Variants in MYO1C observed in about 807,000 individuals in gnomAD.
MYO1C encodes myosin IC, also known as unconventional myosin-Ic.
Under a neutral mutation model 150.8 loss-of-function variants are expected in MYO1C, and 104 were observed. The ratio of observed to expected loss-of-function variants is 0.69; its 90% CI spans 0.59 to 0.81. The LOEUF is 0.81. MYO1C is among the 30% of genes least tolerant of loss of function. The probability of loss-of-function intolerance (pLI) is 0.00; values close to 1 mark genes in which losing one functional copy is unlikely to be tolerated. For synonymous variants in MYO1C, 663 were observed against 579.9 expected (o/e 1.14, Z -2.06); for missense variants, 1,504 against 1,435.0 (o/e 1.05, Z -0.78).
chr17:1,469,522 T>C lies in MYO1C; in HGVS notation c.2610+9A>G. Reference sequence around the variant, plus strand: ...CTTCCTCATCCTCACCCAGCCCCGCTCTCCGTACCTGCTGCTTCCACTCAG... The same window carrying C: ...CTTCCTCATCCTCACCCAGCCCCGCCCTCCGTACCTGCTGCTTCCACTCAG... On this transcript the variant is annotated intron_variant, in intron 25 of 31. Transcript: ENST00000648651. 6.2e-7 allele frequency: 1 copy of C among 1,605,370 alleles called. No individual in the cohort carries two copies. The highest frequency in any genetic ancestry group is 8.5e-7 in the Non-Finnish European group (1 of 1,174,906).
intron 1 of MYO1C, chr17:1,484,655 A>AG (rs566313401): frequency 1.8e-4 from 82 of 467,134 alleles, no homozygotes; most frequent in South Asian, 9.6e-4. Context: ...GGGTGGAGAA[A>AG]GGGGGGGTCA....
chr17:1,465,864 G>T (rs749636759), intron 31 of MYO1C, 112 bp from the exon 32 acceptor site: 3 of 757,844 alleles, frequency 4.0e-6, no homozygotes, highest in African/African-American at 1.8e-5. Flanking sequence ...ATGGGGTCTC[G>T]CTATATTGTC....
rs181410495 is a variant in MYO1C at position 1,466,878 on chromosome 17, C to T, written c.3165+364G>A. ...CTGATCTCGGGTGATCCACACACCT[C>T]GGCCTCCCAAAGTGCTGGGATTAAA... On this transcript the variant is annotated intron_variant, in intron 31 of 31. Coordinates refer to ENST00000648651, the MANE Select transcript of MYO1C (RefSeq NM_001080779.2). Among the ~76,000 whole-genome samples the T allele has an allele frequency of 2.1e-3, 314 of 151,676 alleles. 1 individual carries two copies. Among genetic ancestry groups the T allele is most frequent in the African/African-American group, 6.7e-3 (278 of 41,320 alleles).
At position 1,483,666 on chromosome 17, in the gene MYO1C, G is replaced by C. The variant is rs532161771; in HGVS notation, c.291C>G (p.Ser97Arg). 6 of 1,613,286 alleles carry C rather than the reference G, an allele frequency of 3.7e-6. No individual in the cohort carries two copies. The highest frequency in any genetic ancestry group is 5.1e-6 in the Non-Finnish European group (6 of 1,179,786). ...VNPYRDLQIY[S>R]RQHMERYRGV... Reference sequence around the variant, plus strand: ...CACGGTAACGCTCCATATGCTGCCGGCTGTAGATCTGCAGGTCCCGGTAGG... The same window carrying C: ...CACGGTAACGCTCCATATGCTGCCGCCTGTAGATCTGCAGGTCCCGGTAGG... Residue 97 changes from serine to arginine, a missense_variant, in exon 3 of 32, where the codon AGC becomes AGG. Transcript: ENST00000648651.
chr17:1,478,861 A>T lies in MYO1C; in HGVS notation c.1093-126T>A. 4 of 1,467,050 alleles carry T rather than the reference A, an allele frequency of 2.7e-6. No individual in the cohort carries two copies. Among genetic ancestry groups the T allele is most frequent in the Non-Finnish European group, 3.7e-6 (4 of 1,078,360 alleles). The allele number at this position is 1,467,050 out of a possible 1,614,324, so 90.9% of individuals were successfully genotyped here. A position where few individuals can be genotyped will look rare whatever the true frequency, so the allele number is the denominator to read the frequency against. ...CTCCCAGCTCCAGCAAGCCTGCAGT[A>T]TGGGGAGGGGTGCTGGTAGTGGGAC... On this transcript the variant is annotated intron_variant, in intron 9 of 31. Coordinates refer to ENST00000648651, the MANE Select transcript of MYO1C (RefSeq NM_001080779.2). This position sits in a 1 kb window ranked among gnomAD's most constrained non-coding sequence, Gnocchi z 6.3.
Position 1,467,459 on chromosome 17 carries a change from CG to C in MYO1C, c.3065+20del, listed in dbSNP as rs764884909. On this transcript the variant is annotated intron_variant, in intron 30 of 31. Transcript: ENST00000648651. The stretch of plus-strand genomic sequence containing the variant: ...CCCCTCGCCACCCCCGCCCTGTCCC[CG>C]GGGGCCGCCCGCGCCTCACCTGCCC... 36 of 1,610,730 alleles carry C rather than the reference CG, an allele frequency of 2.2e-5. No individual in the cohort carries two copies. In the South Asian group the frequency reaches 3.8e-4, roughly 17 times the overall value.
Position 1,464,541 on chromosome 17 carries a change from T to C in MYO1C, c.*1185A>G, listed in dbSNP as rs1246519649. ...TTGCTGGTCAAGGAGCCAGATATAC[T>C]CTTAAGACATGATGTGGGTTTTATG... On this transcript the variant is annotated 3_prime_UTR_variant, in exon 32 of 32. Coordinates refer to ENST00000648651, the MANE Select transcript of MYO1C (RefSeq NM_001080779.2). The C allele has an allele frequency of 6.6e-6, 1 of 152,666 alleles. No homozygotes were observed. Among genetic ancestry groups the C allele is most frequent in the African/African-American group, 2.4e-5 (1 of 41,450 alleles). The allele number at this position is 152,666 out of a possible 1,614,324, so 9.5% of individuals were successfully genotyped here. A position where few individuals can be genotyped will look rare whatever the true frequency, so the allele number is the denominator to read the frequency against.
intron 1 of MYO1C, 135 bp downstream of exon 1, chr17:1,492,264 CCCCGTCTTGTTCAG>C: frequency 1.3e-6 from 1 of 764,348 alleles, no homozygotes; most frequent in Admixed American, 2.2e-5. Flanking sequence ...CTTCCACTCA[CCCCGTCTTGTTCAG>C]TCTGTTCTGG....
At chr17:1,476,194 T>TTG (rs1322220171) in intron 14 of MYO1C, among the ~76,000 whole-genome samples, 1 of 152,114 alleles carries the variant, frequency 6.6e-6, no homozygotes, top group African/African-American at 2.4e-5. Flanking sequence ...TTTTTTTTTT[T>TTG]TTGAGACGGA....
intron 29 of MYO1C, 42 bp downstream of exon 29, chr17:1,467,798 T>TC (rs764569882): frequency 1.4e-6 from 1 of 696,230 alleles, no homozygotes; most frequent in East Asian, 3.1e-5. Flanking sequence ...CCCATCTACC[T>TC]CCCCCATCCC....
chr17:1,487,476 A>G (rs978688234), intron 1 of MYO1C, among the ~76,000 whole-genome samples: 1 of 150,054 alleles, frequency 6.7e-6, no homozygotes, highest in Non-Finnish European at 1.5e-5. Flanking sequence ...CACTGCAACA[A>G]CCCGGCCGGA....
At position 1,464,440 on chromosome 17, in the gene MYO1C, C is replaced by G. The variant is rs111518969; in HGVS notation, c.*1286G>C. On this transcript the variant is annotated 3_prime_UTR_variant, in exon 32 of 32. Transcript: ENST00000648651. The stretch of plus-strand genomic sequence containing the variant: ...CATCCTTGAGTGGGGCCCGAGTGTG[C>G]GGGCAAGCTGTCTGTCATCCCAAGG... 6.6e-6 allele frequency: 1 copy of G among 152,664 alleles called. No homozygotes were observed. Among genetic ancestry groups the G allele is most frequent in the East Asian group, 1.9e-4 (1 of 5,196 alleles). The allele number at this position is 152,664 out of a possible 1,614,324, so 9.5% of individuals were successfully genotyped here. A position where few individuals can be genotyped will look rare whatever the true frequency, so the allele number is the denominator to read the frequency against.
At chr17:1,482,457 C>G in intron 5 of MYO1C, 21 bp downstream of exon 5, 1 of 1,608,224 alleles carries the variant, frequency 6.2e-7, no homozygotes, top group Non-Finnish European at 8.5e-7. Flanking sequence ...GGAATCCTCA[C>G]GACACACACA....
rs377079608 is a variant in MYO1C at position 1,467,888 on chromosome 17, G to A, written c.2919C>T (p.Ser973=). ...NLTGISVSSL[S]DSLFVLHVQR... is the part of the protein sequence containing the mutation. ...GTACATGAAGCACAAAAAGACTGTC[G>A]CTCAGGCTGCTGACAGAGATTCCTG... is the stretch of plus-strand genomic sequence containing the variant. The change falls in exon 29 of 32, where the codon AGC becomes AGT. Residue 973 remains serine, a synonymous_variant. Transcript: ENST00000648651. 5.6e-6 allele frequency: 9 copies of A among 1,611,076 alleles called. No homozygotes were observed. Among genetic ancestry groups the A allele is most frequent in the Middle Eastern group, 1.6e-4 (1 of 6,062 alleles).
At chr17:1,474,540 C>T (rs1031051614) in intron 17 of MYO1C, 70 bp downstream of exon 17, 6 of 1,526,566 alleles carry the variant, frequency 3.9e-6, no homozygotes, top group Non-Finnish European at 5.4e-6. Flanking sequence ...TGCCAGCTCC[C>T]AGGCTCACAC....
At position 1,474,956 on chromosome 17, in the gene MYO1C, C is replaced by T. The variant is rs1242183152; in HGVS notation, c.1651G>A (p.Val551Met). 1 of 1,584,596 alleles carries T rather than the reference C, an allele frequency of 6.3e-7. No individual in the cohort carries two copies. The highest frequency in any genetic ancestry group is 1.3e-5 in the African/African-American group (1 of 74,144). The stretch of plus-strand genomic sequence containing the variant: ...TCCTCACCGGTCACGCTGTAGGTCA[C>T]CTCCCCCGCATAGTGCAGAAGGCGG... ...EFRLLHYAGE[V>M]TYSVTGFLDK... The change falls in exon 15 of 32, where the codon GTG becomes ATG. Residue 551 changes from valine to methionine, a missense_variant. By Grantham distance (21) the Val-to-Met change is conservative. Transcript: ENST00000648651.
intron 17 of MYO1C, among the ~76,000 whole-genome samples, chr17:1,473,537 C>G (rs2074345514): frequency 6.6e-6 from 1 of 152,168 alleles, no homozygotes; most frequent in Non-Finnish European, 1.5e-5. Context: ...TGCATGCCCT[C>G]CCTGCCAGGC....
intron 1 of MYO1C, among the ~76,000 whole-genome samples, chr17:1,487,507 C>G (rs1386994957): frequency 6.6e-6 from 1 of 151,530 alleles, no homozygotes; most frequent in Non-Finnish European, 1.5e-5. Flanking sequence ...TGGGGACCCC[C>G]GAGCGGGGGC....
chr17:1,478,051 G>A lies in MYO1C; in HGVS notation c.1401+36C>T, dbSNP rs759143113. ...AGGGGCCCCGATACCCAGGCTCCCC[G>A]TGGCCCACGGAGAGTGCCCCCAGGC... On this transcript the variant is annotated intron_variant, in intron 12 of 31. Transcript: ENST00000648651. This position sits in a 1 kb window ranked among gnomAD's most constrained non-coding sequence, Gnocchi z 6.3. 8.7e-6 allele frequency: 14 copies of A among 1,612,536 alleles called. No individual in the cohort carries two copies. The highest frequency in any genetic ancestry group is 3.3e-4 in the Middle Eastern group (2 of 6,078).
Sources: gnomAD v4.1 joint callset for allele counts (sites outside exome capture counted in the v4.1 genomes callset) on GRCh38, gnomAD v4.1.1 for gene constraint, Gnocchi (gnomAD v3.1) non-coding constraint, MANE v1.5 for transcripts, NCBI Gene and HGNC (gene_info 2026-07-23, HGNC 2026-07-21) for gene names.